The following SPRED1 variants were observed in gnomAD, a reference collection of about 807,000 sequenced individuals.
SPRED1 encodes the protein sprouty-related, EVH1 domain-containing protein 1.
A neutral mutation model predicts 52.3 loss-of-function variants in SPRED1; 18 were observed. The observed-to-expected ratio is 0.34, with a 90% CI of 0.24 to 0.51. The LOEUF is 0.51. SPRED1 is among the 20% of genes least tolerant of loss of function. The probability of loss-of-function intolerance (pLI) is 0.97; values close to 1 mark genes in which losing one functional copy is unlikely to be tolerated. For missense variants in SPRED1, 485 were observed against 551.0 expected (o/e 0.88, Z 1.20); for synonymous variants, 155 against 179.7 (o/e 0.86, Z 1.10).
intron 6 of SPRED1, among the ~76,000 whole-genome samples, 199 bp from the exon 7 acceptor site, chr15:38,350,815 T>G (rs866765311): frequency 2.0e-5 from 3 of 152,284 alleles, no homozygotes; most frequent in Admixed American, 6.5e-5. Context: ...ACTGATTTTA[T>G]GAGGTCCGCC....
At chr15:38,350,800 C>T (rs1244567004) in intron 6 of SPRED1, among the ~76,000 whole-genome samples, 1 of 152,146 alleles carries the variant, frequency 6.6e-6, no homozygotes, top group African/African-American at 2.4e-5. Flanking sequence ...CTAGTAAAGC[C>T]TTCAACTGAT....
intron 1 of SPRED1, among the ~76,000 whole-genome samples, chr15:38,293,850 A>T (rs1566857976): frequency 6.6e-6 from 1 of 152,108 alleles, no homozygotes; most frequent in Non-Finnish European, 1.5e-5. Context: ...CTCTCTATTG[A>T]GTGTCCTTAG....
chr15:38,314,344 A>G (rs1352394481), intron 2 of SPRED1, among the ~76,000 whole-genome samples: 1 of 151,864 alleles, frequency 6.6e-6, no homozygotes, highest in Non-Finnish European at 1.5e-5. Flanking sequence ...TTGCCTAATA[A>G]AAATGTATGG....
chr15:38,253,208 C>T lies in SPRED1; in HGVS notation c.23C>T (p.Ser8Phe). ...AAGATGAGCGAGGAGACGGCGACTT[C>T]TGACAACGAGTAAGCGCCTCATTGA... MSEETAT[S>F]DNDNSYARVR... The change falls in exon 1 of 7, where the codon TCT (serine) becomes TTT (phenylalanine). Residue 8 changes from serine to phenylalanine, a missense_variant. Physicochemically the swap from Ser to Phe is radical, Grantham distance 155 (BLOSUM62 -2). Coordinates refer to ENST00000299084, the MANE Select transcript of SPRED1 (RefSeq NM_152594.3). 2 of 1,579,746 alleles carry T rather than the reference C, an allele frequency of 1.3e-6. No homozygotes were observed. The highest frequency in any genetic ancestry group is 1.7e-6 in the Non-Finnish European group (2 of 1,161,612).
chr15:38,258,302 GAATTGCAC>G (rs1894142123), intron 1 of SPRED1, among the ~76,000 whole-genome samples: 1 of 152,106 alleles, frequency 6.6e-6, no homozygotes, highest in African/African-American at 2.4e-5. Flanking sequence ...CAGTGGAATG[GAATTGCAC>G]AGTGGGTACA....
At chr15:38,290,627 CAG>C (rs1457723850) in intron 1 of SPRED1, among the ~76,000 whole-genome samples, 1 of 152,110 alleles carries the variant, frequency 6.6e-6, no homozygotes, top group Admixed American at 6.5e-5. Context: ...GGAGAGGCCT[CAG>C]AGTCATGGCG....
intron 1 of SPRED1, among the ~76,000 whole-genome samples, chr15:38,259,523 G>A (rs551903765): frequency 2.0e-5 from 3 of 152,258 alleles, no homozygotes; most frequent in Admixed American, 6.5e-5. Flanking sequence ...TGGGATTACT[G>A]GCATGAGCCA....
intron 2 of SPRED1, among the ~76,000 whole-genome samples, chr15:38,300,598 A>G (rs8027503): frequency 2.6e-5 from 4 of 151,982 alleles, no homozygotes; most frequent in Admixed American, 1.3e-4. Flanking sequence ...TTTCTTCCCC[A>G]CTTAAAGGGA....
At chr15:38,281,070 AT>A (rs1894677334) in intron 1 of SPRED1, among the ~76,000 whole-genome samples, 1 of 152,244 alleles carries the variant, frequency 6.6e-6, no homozygotes, top group Non-Finnish European at 1.5e-5. Context: ...AATATTAGTT[AT>A]CTTCAAATAA....
In SPRED1 at chr15:38,351,478, A is replaced by C; in HGVS notation, c.1149A>C (p.Ser383=). The C allele has an allele frequency of 6.2e-7, 1 of 1,614,168 alleles. No individual in the cohort carries two copies. Among genetic ancestry groups the C allele is most frequent in the East Asian group, 2.2e-5 (1 of 44,890 alleles). ...TGTTGTATCATTGTATGTCAGACTC[A>C]GAGGGAGATTTTTCTGATCCCTGTT... The part of the protein sequence containing the change: ...ESMLYHCMSD[S]EGDFSDPCSC... The change falls in exon 7 of 7, where the codon TCA becomes TCC. Residue 383 remains serine (S), a synonymous_variant. Coordinates refer to ENST00000299084, the MANE Select transcript of SPRED1 (RefSeq NM_152594.3).
At chr15:38,325,046 C>G (rs1895686164) in intron 4 of SPRED1, among the ~76,000 whole-genome samples, 1 of 152,158 alleles carries the variant, frequency 6.6e-6, no homozygotes, top group Admixed American at 6.5e-5. Flanking sequence ...CTATGTTGCT[C>G]AAGCTGGTCT....
At chr15:38,346,313 C>A (rs1287858276) in intron 5 of SPRED1, among the ~76,000 whole-genome samples, 6 of 147,136 alleles carry the variant, frequency 4.1e-5, no homozygotes, top group African/African-American at 1.0e-4. Context: ...GACCTTGTCT[C>A]AAAAAAAAAA....
intron 1 of SPRED1, among the ~76,000 whole-genome samples, chr15:38,272,409 C>T (rs1309858124): frequency 2.6e-5 from 4 of 151,868 alleles, no homozygotes; most frequent in African/African-American, 7.3e-5. Flanking sequence ...GTTGGGATTA[C>T]AGGCACCAAC....
intron 1 of SPRED1, among the ~76,000 whole-genome samples, chr15:38,275,094 C>G (rs1249478399): frequency 6.6e-6 from 1 of 152,238 alleles, no homozygotes; most frequent in African/African-American, 2.4e-5. Context: ...GCAACAATTA[C>G]TGTGATGTTT....
intron 1 of SPRED1, among the ~76,000 whole-genome samples, chr15:38,259,721 C>T (rs941589236): frequency 2.0e-5 from 3 of 152,122 alleles, no homozygotes; most frequent in Non-Finnish European, 4.4e-5. Flanking sequence ...TTATACAAAT[C>T]AGTAATGTAA....
chr15:38,349,594 T>C, intron 6 of SPRED1, 71 bp downstream of exon 6: 1 of 696,462 alleles, frequency 1.4e-6, no homozygotes. Flanking sequence ...TTTCCAGTCT[T>C]TCTAATTCTC....
chr15:38,282,419 ATTGC>A (rs1190944993), intron 1 of SPRED1, among the ~76,000 whole-genome samples: 1 of 151,832 alleles, frequency 6.6e-6, no homozygotes, highest in Non-Finnish European at 1.5e-5. Flanking sequence ...AGGCATGAGA[ATTGC>A]TTGAGCCGGG....
chr15:38,299,356 C>G lies in SPRED1; in HGVS notation c.33-17C>G, dbSNP rs767682280. The G allele has an allele frequency of 6.2e-7, 1 of 1,613,618 alleles. No individual in the cohort carries two copies. Among genetic ancestry groups the G allele is most frequent in the Non-Finnish European group, 8.5e-7 (1 of 1,179,680 alleles). On this transcript the variant is annotated splice_polypyrimidine_tract_variant and intron_variant, in intron 1 of 6. Transcript: ENST00000299084. ...GTTTATGGAAAAGCTAATTCCTGAT[C>G]TTTGCATCTATTTTAGTAATAGTTA...
In SPRED1 at chr15:38,335,820, T is replaced by C. The variant is rs114566174; in HGVS notation, c.424-3917T>C. On this transcript the variant is annotated intron_variant, in intron 4 of 6. Transcript: ENST00000299084. ...TAAACCTGCCTCATTCTAGCAATAA[T>C]ATTCATAAACATGTTAATTGAAAAA... 6.1e-3 allele frequency among the ~76,000 whole-genome samples: 921 copies of C among 152,066 alleles called. 9 individuals are homozygous for C. Among genetic ancestry groups the C allele is most frequent in the African/African-American group, 0.021 (860 of 41,504 alleles).
Sources: allele counts gnomAD v4.1 joint callset (sites outside exome capture counted in the v4.1 genomes callset), GRCh38; gene constraint gnomAD v4.1.1; transcripts MANE v1.5; gene names NCBI Gene and HGNC (gene_info 2026-07-23, HGNC 2026-07-21).